CSMD1: variants seen among roughly 807,000 people sequenced by gnomAD.
The protein encoded by CSMD1 is CUB and Sushi multiple domains 1.
CSMD1 carries 213 observed loss-of-function variants against 417.5 expected under a neutral mutation model. The ratio of observed to expected loss-of-function variants is 0.51; its 90% CI spans 0.46 to 0.57. CSMD1 has a LOEUF of 0.57. CSMD1 is among the 20% of genes least tolerant of loss of function. The pLI is 0.00. For synonymous variants in CSMD1, 2,862 were observed against 1,736.8 expected, an observed-to-expected ratio of 1.65 and a Z score of -16.11; for missense variants, 6,923 against 4,529.7, an observed-to-expected ratio of 1.53 and a Z score of -15.17.
intron 2 of CSMD1, among the ~76,000 whole-genome samples, chr8:4,530,918 G>A (rs1219460562): frequency 1.3e-5 from 2 of 151,818 alleles, no homozygotes; most frequent in Non-Finnish European, 2.9e-5. Flanking sequence ...GCTGAGCTTC[G>A]TTAAGTAATG....
intron 1 of CSMD1, among the ~76,000 whole-genome samples, chr8:4,973,405 T>C (rs1810358476): frequency 6.6e-6 from 1 of 152,190 alleles, no homozygotes; most frequent in Non-Finnish European, 1.5e-5. Context: ...TATTTGCTTG[T>C]CCTGAAGCAT....
chr8:4,052,358 G>A (rs777077404), intron 3 of CSMD1, among the ~76,000 whole-genome samples: 8 of 152,188 alleles, frequency 5.3e-5, no homozygotes, highest in Non-Finnish European at 1.0e-4. Flanking sequence ...TAACACTCAC[G>A]TGTATGCTAT....
intron 49 of CSMD1, among the ~76,000 whole-genome samples, chr8:3,084,421 G>T (rs1200938962): frequency 6.6e-6 from 1 of 151,062 alleles, no homozygotes; most frequent in Non-Finnish European, 1.5e-5. Context: ...TACTTGGGAG[G>T]CTGAGGCAGG....
intron 49 of CSMD1, among the ~76,000 whole-genome samples, chr8:3,073,346 A>G (rs1813438009): frequency 6.6e-6 from 1 of 152,218 alleles, no homozygotes; most frequent in African/African-American, 2.4e-5. Flanking sequence ...AAATTAGTGG[A>G]GAAAATAATG....
intron 1 of CSMD1, among the ~76,000 whole-genome samples, chr8:4,842,453 T>A (rs2116785961): frequency 6.6e-6 from 1 of 152,362 alleles, no homozygotes; most frequent in East Asian, 1.9e-4. Flanking sequence ...AACTGCATTT[T>A]GGTAATCTTT....
chr8:3,247,637 G>A (rs1246606766), intron 26 of CSMD1, among the ~76,000 whole-genome samples: 1 of 152,144 alleles, frequency 6.6e-6, no homozygotes, highest in African/African-American at 2.4e-5. Context: ...CTGAGCCTGG[G>A]TCAGCAGGCA....
At position 2,965,929 on chromosome 8, in the gene CSMD1, T is replaced by C. The variant is rs372298864; in HGVS notation, c.9126A>G (p.Thr3042=). 10 of 1,608,360 alleles carry C rather than the reference T, an allele frequency of 6.2e-6. No homozygotes were observed. In the East Asian group the frequency reaches 1.3e-4, roughly 22 times the overall value. Residue 3042 remains threonine (T), a synonymous_variant, in exon 59 of 70, where the codon ACA becomes ACG. Coordinates refer to ENST00000635120, the MANE Select transcript of CSMD1 (RefSeq NM_033225.6). ...CTIISCGDPG[T]LANGIQFGTD... ...TCCCAAACTGGATGCCATTTGCTAG[T>C]GTGCCTGGATCCCCACAACTTATAA...
intron 3 of CSMD1, among the ~76,000 whole-genome samples, chr8:4,188,271 C>A (rs1798801677): frequency 6.6e-6 from 1 of 152,136 alleles, no homozygotes; most frequent in African/African-American, 2.4e-5. Context: ...GCCACGCTTG[C>A]CCTAGACGTC....
intron 7 of CSMD1, among the ~76,000 whole-genome samples, chr8:3,627,445 T>A (rs941888216): frequency 7.9e-5 from 12 of 152,200 alleles, no homozygotes; most frequent in Non-Finnish European, 2.9e-5. Context: ...TAACATGCAC[T>A]GAGAAGACTA....
At position 4,759,167 on chromosome 8, in the gene CSMD1, C is replaced by A. The variant is rs188857698; in HGVS notation, c.86-121609G>T. Reference sequence around the variant, plus strand: ...ATTTGTAAAGGCCTCAGCCTGCCTGCAGCTATAATTCTTGTTAGTGTTGTC... The same window carrying A: ...ATTTGTAAAGGCCTCAGCCTGCCTGAAGCTATAATTCTTGTTAGTGTTGTC... On this transcript the variant is annotated intron_variant, in intron 1 of 69. Transcript: ENST00000635120. Among the ~76,000 whole-genome samples, 11 of 152,282 alleles carry A rather than the reference C, an allele frequency of 7.2e-5. No homozygotes were observed. The East Asian group carries it at 1.9e-3, about 27-fold the overall frequency.
At chr8:3,614,657 TG>T (rs1265266679) in intron 8 of CSMD1, among the ~76,000 whole-genome samples, 1 of 152,234 alleles carries the variant, frequency 6.6e-6, no homozygotes, top group Non-Finnish European at 1.5e-5. Context: ...AATACAGCTC[TG>T]CAAAATTCAC....
chr8:4,352,915 G>C (rs912948690), intron 3 of CSMD1, among the ~76,000 whole-genome samples: 2 of 152,126 alleles, frequency 1.3e-5, no homozygotes, highest in East Asian at 3.8e-4. Flanking sequence ...GAAAGATTTA[G>C]GCAAAATATT....
intron 3 of CSMD1, among the ~76,000 whole-genome samples, chr8:4,389,234 C>T (rs1803679587): frequency 6.6e-6 from 1 of 152,130 alleles, no homozygotes; most frequent in Non-Finnish European, 1.5e-5. Context: ...TACTTTCTCT[C>T]CTCTTTGGGT....
intron 3 of CSMD1, among the ~76,000 whole-genome samples, chr8:4,284,921 G>A (rs1286967742): frequency 6.6e-6 from 1 of 152,130 alleles, no homozygotes; most frequent in Non-Finnish European, 1.5e-5. Context: ...GTTTCAGGAT[G>A]CACCAGTTAA....
chr8:3,464,090 C>T lies in CSMD1; in HGVS notation c.1561+4622G>A, dbSNP rs745712312. 4.6e-5 allele frequency among the ~76,000 whole-genome samples: 7 copies of T among 152,168 alleles called. No homozygotes were observed. The South Asian group carries it at 1.2e-3, about 27-fold the overall frequency. Reference sequence around the variant, plus strand: ...TTGTTTTGACTATACAGCAGCACATCACAGGAAACAGTTCCTTTAATTCAC... The same window carrying T: ...TTGTTTTGACTATACAGCAGCACATTACAGGAAACAGTTCCTTTAATTCAC... On this transcript the variant is annotated intron_variant, in intron 12 of 69. Coordinates refer to ENST00000635120, the MANE Select transcript of CSMD1 (RefSeq NM_033225.6).
At chr8:4,197,077 G>A (rs981695437) in intron 3 of CSMD1, among the ~76,000 whole-genome samples, 2 of 152,068 alleles carry the variant, frequency 1.3e-5, no homozygotes, top group Non-Finnish European at 2.9e-5. Context: ...TGTTCTATGG[G>A]AAATGAAACA....
chr8:4,749,615 G>A (rs1811177051), intron 1 of CSMD1, among the ~76,000 whole-genome samples: 1 of 152,168 alleles, frequency 6.6e-6, no homozygotes, highest in Non-Finnish European at 1.5e-5. Context: ...TCTGTTCTTG[G>A]AATGTACCAG....
chr8:4,223,488 A>G (rs1380197169), intron 3 of CSMD1, among the ~76,000 whole-genome samples: 2 of 152,254 alleles, frequency 1.3e-5, no homozygotes, highest in East Asian at 3.9e-4. Context: ...GATAATTGGT[A>G]GAGATGATTG....
At chr8:3,654,103 G>T (rs1289955957) in intron 7 of CSMD1, among the ~76,000 whole-genome samples, 1 of 152,144 alleles carries the variant, frequency 6.6e-6, no homozygotes, top group Non-Finnish European at 1.5e-5. Flanking sequence ...AGTAGAGGGT[G>T]TTGTCAGGAA....
Sources: allele counts gnomAD v4.1 joint callset (sites outside exome capture counted in the v4.1 genomes callset), GRCh38; gene constraint gnomAD v4.1.1; transcripts MANE v1.5; gene names NCBI Gene and HGNC (gene_info 2026-07-23, HGNC 2026-07-21).